Variants in PLCG2 observed in about 807,000 individuals in gnomAD.
PLCG2 encodes the protein 1-phosphatidylinositol 4,5-bisphosphate phosphodiesterase gamma-2.
PLCG2 carries 69 observed loss-of-function variants against 175.6 expected under a neutral mutation model. The ratio of observed to expected loss-of-function variants is 0.39; its 90% CI spans 0.32 to 0.48. The LOEUF (loss-of-function observed/expected upper bound fraction) is 0.48. PLCG2 is among the 20% of genes least tolerant of loss of function. The pLI is 0.91. For missense variants in PLCG2, 1,798 were observed against 1,650.9 expected (o/e 1.09, Z -1.54); for synonymous variants, 827 against 624.0 (o/e 1.33, Z -4.85).
intron 11 of PLCG2, among the ~76,000 whole-genome samples, chr16:81,893,092 C>A (rs962901947): frequency 6.6e-6 from 1 of 152,144 alleles, no homozygotes; most frequent in Non-Finnish European, 1.5e-5. Flanking sequence ...AACACCTGAC[C>A]TCGTGATCTG....
In PLCG2 at chr16:81,958,824, A is replaced by G. The variant is rs922462259; in HGVS notation, c.*826A>G. The G allele has an allele frequency of 4.5e-6, 1 of 221,296 alleles. No homozygotes were observed. The highest frequency in any genetic ancestry group is 5.8e-5 in the Admixed American group (1 of 17,374). 13.7% of individuals were successfully genotyped at this position (221,296 alleles called of 1,614,324 possible). ...AGGCTGCTGGAATGGCCCTTGGTCCACAGCTCTCCACAGGCAAGAGGTCAA... is the reference window on the plus strand; with the variant it reads ...AGGCTGCTGGAATGGCCCTTGGTCCGCAGCTCTCCACAGGCAAGAGGTCAA... On this transcript the variant is annotated 3_prime_UTR_variant, in exon 33 of 33. Coordinates refer to ENST00000564138, the MANE Select transcript of PLCG2 (RefSeq NM_002661.5).
At chr16:81,922,775 C>T (rs150903599) in intron 21 of PLCG2, among the ~76,000 whole-genome samples, 151 of 152,332 alleles carry the variant, frequency 9.9e-4, no homozygotes, top group African/African-American at 3.4e-3. Flanking sequence ...GAGCTTTTCC[C>T]ACTAACATTT....
At chr16:81,755,260 C>T (rs1909897753) in intron 1 of PLCG2, among the ~76,000 whole-genome samples, 1 of 152,006 alleles carries the variant, frequency 6.6e-6, no homozygotes, top group African/African-American at 2.4e-5. Flanking sequence ...ACGGTGCCGT[C>T]ATCGTGGCTC....
chr16:81,938,401 C>T (rs575045744), intron 28 of PLCG2: 18 of 217,016 alleles, frequency 8.3e-5, no homozygotes, highest in African/African-American at 3.9e-4. Context: ...AAGAAGCATA[C>T]GTAAACACAG....
Position 81,910,712 on chromosome 16 carries a change from G to A in PLCG2, c.1926G>A (p.Glu642=). Residue 642 remains glutamate (E), a synonymous_variant, in exon 18 of 33, where the codon GAG becomes GAA. Coordinates refer to ENST00000564138, the MANE Select transcript of PLCG2 (RefSeq NM_002661.5). ...TDPVPNPNPH[E]SKPWYYDSLS... is the part of the protein sequence containing the mutation. ...CTGTGCCCAACCCCAACCCCCACGA[G>A]TCCAAGCCGTACGTGTCTGAGGGTG... The A allele has an allele frequency of 6.2e-7, 1 of 1,608,384 alleles. No homozygotes were observed. The highest frequency in any genetic ancestry group is 8.5e-7 in the Non-Finnish European group (1 of 1,179,912).
intron 9 of PLCG2, among the ~76,000 whole-genome samples, chr16:81,888,384 GA>G (rs35199517): frequency 0.33 from 50,024 of 150,184 alleles, 9,513 homozygotes; most frequent in East Asian, 0.61. Flanking sequence ...CTGATTTAAA[GA>G]AAAAAAAAAT....
intron 2 of PLCG2, among the ~76,000 whole-genome samples, chr16:81,832,540 C>T (rs1905303312): frequency 1.3e-5 from 2 of 152,058 alleles, no homozygotes; most frequent in Admixed American, 6.6e-5. Flanking sequence ...CTGATGTGCA[C>T]TACCATGCCC....
chr16:81,817,909 G>T (rs1165200642), intron 2 of PLCG2, among the ~76,000 whole-genome samples: 2 of 152,204 alleles, frequency 1.3e-5, no homozygotes, highest in African/African-American at 2.4e-5. Flanking sequence ...TTACTGTTTC[G>T]GGGAGAAGGG....
At position 81,813,767 on chromosome 16, in the gene PLCG2, C is replaced by G. The variant is rs1888182163; in HGVS notation, c.193+27585C>G. On this transcript the variant is annotated intron_variant, in intron 2 of 32. Coordinates refer to ENST00000564138, the MANE Select transcript of PLCG2 (RefSeq NM_002661.5). ...ACCAGTGTTCCTTTGTGCAGCGTCT[C>G]TCCCTGTTCTGTGGCTAGTTTGGGC... Among the ~76,000 whole-genome samples the G allele has an allele frequency of 3.3e-5, 5 of 152,304 alleles. 1 individual carries two copies. The South Asian group carries it at 1.0e-3, about 32-fold the overall frequency.
intron 2 of PLCG2, among the ~76,000 whole-genome samples, chr16:81,814,182 G>A (rs1904437483): frequency 6.6e-6 from 1 of 152,184 alleles, no homozygotes; most frequent in Non-Finnish European, 1.5e-5. Context: ...AGATACAGCG[G>A]AGGGGAATGG....
chr16:81,745,086 C>G (rs1384395292), intron 1 of PLCG2, among the ~76,000 whole-genome samples: 2 of 152,176 alleles, frequency 1.3e-5, no homozygotes, highest in East Asian at 1.9e-4. Context: ...TGATTAAGTG[C>G]TGGTTGTAAA....
intron 8 of PLCG2, among the ~76,000 whole-genome samples, chr16:81,882,494 C>G (rs1326653647): frequency 6.6e-6 from 1 of 152,126 alleles, no homozygotes; most frequent in African/African-American, 2.4e-5. Flanking sequence ...GGCTCCTGTC[C>G]TTTCTCCAAC....
intron 22 of PLCG2, among the ~76,000 whole-genome samples, chr16:81,923,989 A>G (rs886193384): frequency 6.6e-6 from 1 of 152,214 alleles, no homozygotes; most frequent in Non-Finnish European, 1.5e-5. Context: ...ACACAAATAA[A>G]TACTAAATAC....
intron 1 of PLCG2, among the ~76,000 whole-genome samples, chr16:81,754,349 C>T (rs1909876371): frequency 1.4e-5 from 1 of 71,330 alleles, no homozygotes; most frequent in Admixed American, 1.4e-4. Context: ...CCCATCCCCA[C>T]CTCCTCCCCT....
chr16:81,877,412 G>A (rs1399176796), intron 7 of PLCG2, among the ~76,000 whole-genome samples: 4 of 152,174 alleles, frequency 2.6e-5, no homozygotes, highest in East Asian at 1.9e-4. Context: ...CCGAGATTGC[G>A]CCACTGCACT....
At chr16:81,802,833 A>G (rs1911794616) in intron 2 of PLCG2, among the ~76,000 whole-genome samples, 1 of 152,208 alleles carries the variant, frequency 6.6e-6, no homozygotes. Context: ...AGCCTCCCAA[A>G]GTGCAAAAGA....
chr16:81,807,331 G>A (rs1395800317), intron 2 of PLCG2, among the ~76,000 whole-genome samples: 3 of 152,130 alleles, frequency 2.0e-5, no homozygotes, highest in African/African-American at 4.8e-5. Context: ...GCATCTCTGC[G>A]AGGAGGGCAC....
At position 81,786,162 on chromosome 16, in the gene PLCG2, C is replaced by CCGACAAGA; in HGVS notation, c.173_174insCGACAAGA (p.Ile61MetfsTer13). On this transcript the variant is annotated frameshift_variant, in exon 2 of 33. Coordinates refer to ENST00000564138, the MANE Select transcript of PLCG2 (RefSeq NM_002661.5). LOFTEE classifies it high-confidence loss of function. Reference sequence around the variant, plus strand: ...CGGCAGGTGGCCTGGAGCAAGACCGCTGACAAGATCGAGGGCTTCTGTGAG... The same window carrying CCGACAAGA: ...CGGCAGGTGGCCTGGAGCAAGACCGCCGACAAGATGACAAGATCGAGGGCTTCTGTGAG... The CCGACAAGA allele has an allele frequency of 2.5e-6, 4 of 1,614,070 alleles. No homozygotes were observed. The highest frequency in any genetic ancestry group is 3.4e-6 in the Non-Finnish European group (4 of 1,179,996).
intron 2 of PLCG2, among the ~76,000 whole-genome samples, chr16:81,758,494 A>G (rs1909974845): frequency 6.6e-6 from 1 of 151,940 alleles, no homozygotes; most frequent in Non-Finnish European, 1.5e-5. Flanking sequence ...ATGAGCTTTC[A>G]TTTCTTTTTG....
Sources: gnomAD v4.1 joint callset for allele counts (sites outside exome capture counted in the v4.1 genomes callset) on GRCh38, gnomAD v4.1.1 for gene constraint, MANE v1.5 for transcripts, NCBI Gene and HGNC (gene_info 2026-07-23, HGNC 2026-07-21) for gene names.